The following SDK1 variants were observed in gnomAD, a reference collection of about 807,000 sequenced individuals.
SDK1 encodes the protein protein sidekick-1.
A neutral mutation model predicts 245.5 loss-of-function variants in SDK1; 157 were observed. The observed-to-expected ratio is 0.64, with a 90% CI of 0.56 to 0.73. The LOEUF (loss-of-function observed/expected upper bound fraction) is 0.73. Ranked by LOEUF, SDK1 falls within the 30% of genes least tolerant of loss-of-function variation. The pLI is 0.00. For synonymous variants in SDK1, 1,647 were observed against 1,278.5 expected (o/e 1.29, Z -6.15); for missense variants, 3,583 against 3,002.3 (o/e 1.19, Z -4.52).
chr7:3,843,021 G>A (rs183619664), intron 5 of SDK1, among the ~76,000 whole-genome samples: 2 of 152,232 alleles, frequency 1.3e-5, no homozygotes, highest in Admixed American at 1.3e-4. Context: ...ACGCCCGTCA[G>A]TCCGTCTGGA....
At chr7:3,863,954 G>A (rs1369180531) in intron 5 of SDK1, among the ~76,000 whole-genome samples, 1 of 152,140 alleles carries the variant, frequency 6.6e-6, no homozygotes, top group East Asian at 1.9e-4. Flanking sequence ...ACCTGGGAGT[G>A]GAATTGCTGG....
At chr7:4,186,924 A>G (rs916490161) in intron 35 of SDK1, among the ~76,000 whole-genome samples, 1 of 152,146 alleles carries the variant, frequency 6.6e-6, no homozygotes, top group Non-Finnish European at 1.5e-5. Flanking sequence ...AGTAGTGGCC[A>G]GACCTGGGAT....
chr7:3,715,524 C>T lies in SDK1; in HGVS notation c.713+73419C>T, dbSNP rs183217019. 5.8e-4 allele frequency among the ~76,000 whole-genome samples: 88 copies of T among 152,214 alleles called. 1 individual carries two copies. Among genetic ancestry groups the T allele is most frequent in the Admixed American group, 3.3e-3 (51 of 15,290 alleles). On this transcript the variant is annotated intron_variant, in intron 4 of 44. Transcript: ENST00000404826. ...GGAAGCCCAGGGAAGTGCGTTCTGT[C>T]CCACAGGAGGCAATAGCAGGGATAG...
chr7:3,837,750 A>G lies in SDK1; in HGVS notation c.847+16167A>G, dbSNP rs548703075. Among the ~76,000 whole-genome samples the G allele has an allele frequency of 2.6e-5, 4 of 151,342 alleles. No individual in the cohort carries two copies. In the South Asian group the frequency reaches 6.3e-4, roughly 24 times the overall value. Reference sequence around the variant, plus strand: ...GAATACTTGAAATGTTACTGTTGTGACTGAGGAAGTGAATTTATAATTTAA... The same window carrying G: ...GAATACTTGAAATGTTACTGTTGTGGCTGAGGAAGTGAATTTATAATTTAA... On this transcript the variant is annotated intron_variant, in intron 5 of 44. Transcript: ENST00000404826.
At chr7:3,477,259 G>T (rs966115713) in intron 1 of SDK1, among the ~76,000 whole-genome samples, 3 of 135,364 alleles carry the variant, frequency 2.2e-5, no homozygotes, top group African/African-American at 8.2e-5. Context: ...GCAGCGGCGC[G>T]ATCTTGGCTC....
intron 4 of SDK1, among the ~76,000 whole-genome samples, chr7:3,711,015 G>A (rs1427839578): frequency 2.0e-5 from 3 of 152,050 alleles, no homozygotes; most frequent in African/African-American, 4.8e-5. Context: ...TTATTCCCAG[G>A]AAACTCTCAG....
chr7:3,809,173 C>T (rs369682389), intron 4 of SDK1, among the ~76,000 whole-genome samples: 22 of 152,138 alleles, frequency 1.4e-4, no homozygotes, highest in African/African-American at 4.8e-4. Flanking sequence ...GGGGAGGAGG[C>T]GCGCTACATG....
At chr7:4,250,419 C>G (rs1313334403) in intron 44 of SDK1, among the ~76,000 whole-genome samples, 1 of 152,120 alleles carries the variant, frequency 6.6e-6, no homozygotes, top group Non-Finnish European at 1.5e-5. Context: ...TCTCAGCTCC[C>G]TCTAACCTCC....
At chr7:3,410,182 C>T (rs561345263) in intron 1 of SDK1, among the ~76,000 whole-genome samples, 98 of 152,240 alleles carry the variant, frequency 6.4e-4, no homozygotes, top group Non-Finnish European at 1.1e-3. Flanking sequence ...TTGAACATCC[C>T]TAATCTGAAA....
At position 4,012,549 on chromosome 7, in the gene SDK1, C is replaced by CTTTTTTTTTTTTTTTTTT. The variant is rs777199429; in HGVS notation, c.2420+340_2420+357dup. On this transcript the variant is annotated intron_variant, in intron 16 of 44. Coordinates refer to ENST00000404826, the MANE Select transcript of SDK1 (RefSeq NM_152744.4). ...GCAAGGTATATTGTTCAATGTGAAG[C>CTTTTTTTTTTTTTTTTTT]TTTTTTTTTTTTTTTTTTTTTTTTT... 6.2e-4 allele frequency among the ~76,000 whole-genome samples: 16 copies of CTTTTTTTTTTTTTTTTTT among 25,986 alleles called. 5 individuals carry two copies. Among genetic ancestry groups the CTTTTTTTTTTTTTTTTTT allele is most frequent in the South Asian group, 1.9e-3 (1 of 514 alleles). The allele number at this position is 25,986 out of a possible 152,430, so 17.0% of individuals were successfully genotyped here.
intron 1 of SDK1, among the ~76,000 whole-genome samples, chr7:3,351,710 A>G (rs982107375): frequency 6.6e-6 from 1 of 152,214 alleles, no homozygotes; most frequent in Non-Finnish European, 1.5e-5. Context: ...CAGTGGTAAA[A>G]GGTTCAGTTC....
intron 5 of SDK1, among the ~76,000 whole-genome samples, chr7:3,937,412 C>G (rs930391881): frequency 3.9e-5 from 6 of 152,196 alleles, no homozygotes; most frequent in Admixed American, 6.5e-5. Flanking sequence ...GACCAAAGGC[C>G]ATGCGGCAGA....
chr7:3,452,365 A>C (rs1780541243), intron 1 of SDK1, among the ~76,000 whole-genome samples: 1 of 152,186 alleles, frequency 6.6e-6, no homozygotes, highest in South Asian at 2.1e-4. Flanking sequence ...CTAGAAACTG[A>C]CAGGTTGTGA....
In SDK1 at chr7:4,171,712, C is replaced by G. The variant is rs1209909184; in HGVS notation, c.4801-2510C>G. The stretch of plus-strand genomic sequence containing the variant: ...AAAGCCAGCAGAAAAAAAGTCCCTC[C>G]CAGATAATAGCCCAACTCCACCGTC... On this transcript the variant is annotated intron_variant, in intron 32 of 44. Coordinates refer to ENST00000404826, the MANE Select transcript of SDK1 (RefSeq NM_152744.4). Among the ~76,000 whole-genome samples the G allele has an allele frequency of 2.6e-5, 4 of 152,210 alleles. No individual in the cohort carries two copies. In the East Asian group the frequency reaches 7.7e-4, roughly 29 times the overall value.
intron 5 of SDK1, among the ~76,000 whole-genome samples, chr7:3,930,371 G>A (rs1181188663): frequency 6.6e-6 from 1 of 152,178 alleles, no homozygotes; most frequent in African/African-American, 2.4e-5. Flanking sequence ...TTCCACCCCA[G>A]CCCTGCCGAG....
At chr7:3,594,328 C>T (rs1780983595) in intron 1 of SDK1, among the ~76,000 whole-genome samples, 1 of 152,148 alleles carries the variant, frequency 6.6e-6, no homozygotes, top group Non-Finnish European at 1.5e-5. Context: ...GTGGATATAC[C>T]ACATATTGCT....
intron 38 of SDK1, among the ~76,000 whole-genome samples, chr7:4,215,008 A>T (rs1309448116): frequency 1.3e-5 from 2 of 152,166 alleles, no homozygotes; most frequent in African/African-American, 2.4e-5. Context: ...GGTGGACCTC[A>T]TGGCTGCCTG....
intron 4 of SDK1, among the ~76,000 whole-genome samples, chr7:3,745,464 A>G (rs561443288): frequency 6.6e-6 from 1 of 152,184 alleles, no homozygotes; most frequent in Non-Finnish European, 1.5e-5. Flanking sequence ...AGAAACTGAC[A>G]TTTATATAAT....
intron 29 of SDK1, among the ~76,000 whole-genome samples, chr7:4,146,333 C>A (rs1779979225): frequency 6.6e-6 from 1 of 151,686 alleles, no homozygotes. Context: ...CAGCTGCTCT[C>A]TCAGACATGT....
Sources: allele counts gnomAD v4.1 joint callset (sites outside exome capture counted in the v4.1 genomes callset), GRCh38; gene constraint gnomAD v4.1.1; transcripts MANE v1.5; gene names NCBI Gene and HGNC (gene_info 2026-07-23, HGNC 2026-07-21).